The following LOC122539214 variants were observed in gnomAD, a reference collection of about 807,000 sequenced individuals.
the LOC122539214 span, among the ~76,000 whole-genome samples, chr19:52,663,844 G>A: frequency 6.6e-6 from 1 of 152,292 alleles, no homozygotes; most frequent in African/African-American, 2.4e-5. Flanking sequence ...ATGTGATGTC[G>A]TAAGATTCTA....
At chr19:52,661,286 A>T in the LOC122539214 span, among the ~76,000 whole-genome samples, 7 of 152,174 alleles carry the variant, frequency 4.6e-5, no homozygotes, top group African/African-American at 1.7e-4. Flanking sequence ...AGAGATAAGA[A>T]AGCCCCACAG....
At chr19:52,679,078 C>A in the LOC122539214 span, among the ~76,000 whole-genome samples, 1 of 152,076 alleles carries the variant, frequency 6.6e-6, no homozygotes, top group African/African-American at 2.4e-5. Context: ...AGGGTTGATT[C>A]TACAACAAAT....
chr19:52,686,918 A>T, the LOC122539214 span, among the ~76,000 whole-genome samples: 1 of 151,966 alleles, frequency 6.6e-6, no homozygotes, highest in African/African-American at 2.4e-5. Flanking sequence ...GCAGTGGCTC[A>T]CATCTGTAAT....
At chr19:52,690,157 G>C in the LOC122539214 span, among the ~76,000 whole-genome samples, 1 of 149,076 alleles carries the variant, frequency 6.7e-6, no homozygotes, top group Admixed American at 6.7e-5. Flanking sequence ...AGCGCGGGGC[G>C]GGAGGAGTCT....
the LOC122539214 span, among the ~76,000 whole-genome samples, chr19:52,683,909 G>A: frequency 2.0e-5 from 3 of 152,090 alleles, no homozygotes; most frequent in Admixed American, 2.0e-4. Context: ...TTCAAGTAAG[G>A]GAGACACAAC....
chr19:52,670,761 A>T, the LOC122539214 span, among the ~76,000 whole-genome samples: 2 of 152,210 alleles, frequency 1.3e-5, no homozygotes, highest in Admixed American at 6.5e-5. Flanking sequence ...CATTTAAAAG[A>T]TGCATTAATT....
chr19:52,655,567 A>C, the LOC122539214 span: 2 of 1,500,774 alleles, frequency 1.3e-6, no homozygotes, highest in East Asian at 4.5e-5. Flanking sequence ...TCACCCACAG[A>C]CTCCAGGTTC....
chr19:52,665,343 A>G, the LOC122539214 span, among the ~76,000 whole-genome samples: 1 of 152,034 alleles, frequency 6.6e-6, no homozygotes, highest in African/African-American at 2.4e-5. Context: ...TGAGCTGGGA[A>G]GTCCAGGCCA....
the LOC122539214 span, among the ~76,000 whole-genome samples, chr19:52,659,829 A>G: frequency 6.6e-6 from 1 of 152,180 alleles, no homozygotes; most frequent in African/African-American, 2.4e-5. Context: ...AGAGATAGAG[A>G]AAGAATCCTA....
At chr19:52,682,002 C>T in the LOC122539214 span, among the ~76,000 whole-genome samples, 1 of 152,118 alleles carries the variant, frequency 6.6e-6, no homozygotes, top group Non-Finnish European at 1.5e-5. Flanking sequence ...CACCTGCCAC[C>T]ACACCCAGCT....
At chr19:52,689,259 T>C in the LOC122539214 span, among the ~76,000 whole-genome samples, 5,317 of 152,274 alleles carry the variant, frequency 0.035, 303 homozygotes, top group African/African-American at 0.12. Context: ...GTACCTAAAA[T>C]AAACAATTCT....
At chr19:52,670,030 AT>A in the LOC122539214 span, among the ~76,000 whole-genome samples, 1 of 152,216 alleles carries the variant, frequency 6.6e-6, no homozygotes. Flanking sequence ...AGTATGTTCA[AT>A]TCTTTGCCTT....
chr19:52,655,728 G>A, the LOC122539214 span: 1 of 801,002 alleles, frequency 1.2e-6, no homozygotes, highest in Non-Finnish European at 2.1e-6. Context: ...TTAGGGAGGA[G>A]TCATTACCTT....
At chr19:52,662,377 G>A in the LOC122539214 span, among the ~76,000 whole-genome samples, 1 of 152,108 alleles carries the variant, frequency 6.6e-6, no homozygotes, top group Non-Finnish European at 1.5e-5. Context: ...GCAGAGAGCT[G>A]AGGAGCCAAC....
the LOC122539214 span, among the ~76,000 whole-genome samples, chr19:52,685,048 C>T: frequency 5.9e-5 from 9 of 152,216 alleles, no homozygotes; most frequent in Non-Finnish European, 1.0e-4. Flanking sequence ...GTCTACCGCT[C>T]TGTTTCTTCC....
the LOC122539214 span, among the ~76,000 whole-genome samples, chr19:52,673,500 T>TCTCACACACACACA: frequency 8.7e-5 from 13 of 149,028 alleles, no homozygotes; most frequent in East Asian, 5.9e-4. Flanking sequence ...TGTAACTCCA[T>TCTCACACACACACA]CACACACACA....
chr19:52,655,776 G>C, the LOC122539214 span: 1 of 636,548 alleles, frequency 1.6e-6, no homozygotes, highest in African/African-American at 1.8e-5. Flanking sequence ...GTATTGATTT[G>C]ATCCAAGACG....
At chr19:52,675,201 C>A in the LOC122539214 span, among the ~76,000 whole-genome samples, 1 of 152,130 alleles carries the variant, frequency 6.6e-6, no homozygotes, top group Non-Finnish European at 1.5e-5. Context: ...AACCTGGGGG[C>A]AAATTAACAT....
the LOC122539214 span, among the ~76,000 whole-genome samples, chr19:52,659,964 G>A: frequency 7.2e-5 from 11 of 152,038 alleles, no homozygotes; most frequent in African/African-American, 1.9e-4. Context: ...AGGCTGAGGC[G>A]GGCAGATCAT....
Sources: gnomAD v4.1 joint callset for allele counts (sites outside exome capture counted in the v4.1 genomes callset) on GRCh38, gnomAD v4.1.1 for gene constraint, MANE v1.5 for transcripts.